Variants in PDZD2 observed in about 807,000 individuals in gnomAD.
PDZD2 encodes PDZ domain containing 2, also known as PDZ domain-containing protein 2.
PDZD2 carries 90 observed loss-of-function variants against 220.7 expected under a neutral mutation model. That is an observed-to-expected ratio of 0.41 (90% CI 0.34 to 0.49). The LOEUF is 0.49. Among genes scored for constraint, PDZD2 ranks in the 20% least tolerant of loss-of-function variants. The pLI, the probability that PDZD2 is intolerant of heterozygous loss-of-function variation, is 0.28. For missense variants in PDZD2, 3,174 were observed against 3,608.5 expected, an observed-to-expected ratio of 0.88 and a Z score of 3.08; for synonymous variants, 1,375 against 1,450.5, an observed-to-expected ratio of 0.95 and a Z score of 1.18.
At chr5:31,881,919 A>T (rs1253759922) in intron 2 of PDZD2, among the ~76,000 whole-genome samples, 1 of 151,914 alleles carries the variant, frequency 6.6e-6, no homozygotes, top group East Asian at 1.9e-4. Context: ...GGGTTTCTCC[A>T]CGTTGGCCAG....
At chr5:32,014,253 G>C (rs987286982) in intron 6 of PDZD2, among the ~76,000 whole-genome samples, 1 of 152,116 alleles carries the variant, frequency 6.6e-6, no homozygotes, top group East Asian at 1.9e-4. Flanking sequence ...GTATGTCGTC[G>C]TGTACTCCGA....
intron 1 of PDZD2, among the ~76,000 whole-genome samples, chr5:31,768,259 C>G (rs1391570421): frequency 6.6e-6 from 1 of 152,204 alleles, no homozygotes; most frequent in African/African-American, 2.4e-5. Flanking sequence ...AGGCAGCTTG[C>G]AACACACTCC....
rs11428109 is a variant in PDZD2 at position 32,013,322 on chromosome 5, CT to C, written c.1407+2856del. Among the ~76,000 whole-genome samples the C allele has an allele frequency of 4.2e-3, 565 of 135,766 alleles. 3 individuals are homozygous for C. The highest frequency in any genetic ancestry group is 0.026 in the East Asian group (123 of 4,648). The allele number at this position is 135,766 out of a possible 152,430, so 89.1% of individuals were successfully genotyped here. The stretch of plus-strand genomic sequence containing the variant: ...TTGCTCCTATATCTCTCTGTGTTAT[CT>C]TTTTTTTTTTTTTTTGACATTTCCT... On this transcript the variant is annotated intron_variant, in intron 6 of 24. Coordinates refer to ENST00000438447, the MANE Select transcript of PDZD2 (RefSeq NM_178140.4).
In PDZD2 at chr5:32,000,502, TTTTTGTTTTTGTTTTTG is replaced by T. The variant is rs1268075003; in HGVS notation, c.1254+236_1254+252del. On this transcript the variant is annotated intron_variant, in intron 5 of 24. Transcript: ENST00000438447. The surrounding 1 kb of genome is among the most constrained non-coding windows in gnomAD (Gnocchi z 4.5). ...AAGTTTGTTTTTGTTTTTGTTTTTG[TTTTTGTTTTTGTTTTTG>T]TTTTTTTTGAGACGGAGTTTCACTC... 4.6e-5 allele frequency among the ~76,000 whole-genome samples: 7 copies of T among 151,150 alleles called. No homozygotes were observed. The highest frequency in any genetic ancestry group is 2.1e-4 in the South Asian group (1 of 4,738).
chr5:31,783,729 C>A (rs375332100), intron 1 of PDZD2, among the ~76,000 whole-genome samples: 4 of 152,134 alleles, frequency 2.6e-5, no homozygotes, highest in South Asian at 4.1e-4. Context: ...GAGGCCTCAG[C>A]AATGGAAACA....
At chr5:32,007,826 C>CT (rs1752953925) in intron 5 of PDZD2, among the ~76,000 whole-genome samples, 1 of 152,240 alleles carries the variant, frequency 6.6e-6, no homozygotes, top group Non-Finnish European at 1.5e-5. Flanking sequence ...TCCCTGGCCC[C>CT]TGGCCCTCAT....
chr5:31,858,204 C>T (rs772697750), intron 2 of PDZD2, among the ~76,000 whole-genome samples: 1 of 152,026 alleles, frequency 6.6e-6, no homozygotes, highest in African/African-American at 2.4e-5. Flanking sequence ...TTCAGGTGAT[C>T]CGCCCATCTT....
intron 8 of PDZD2, among the ~76,000 whole-genome samples, chr5:32,050,561 C>T (rs188616937): frequency 2.0e-5 from 3 of 152,140 alleles, no homozygotes; most frequent in East Asian, 1.9e-4. Flanking sequence ...GGATCATGCC[C>T]GTAATCCCAG....
chr5:31,802,730 C>T (rs1754465545), intron 2 of PDZD2, among the ~76,000 whole-genome samples: 1 of 151,944 alleles, frequency 6.6e-6, no homozygotes. Flanking sequence ...ACCATCGTGG[C>T]TAACATGGTG....
chr5:31,949,668 C>CTTTT (rs5867121), intron 2 of PDZD2, among the ~76,000 whole-genome samples: 2 of 127,898 alleles, frequency 1.6e-5, no homozygotes, highest in South Asian at 2.6e-4. Context: ...CCATTTTTAG[C>CTTTT]TTTTTTTTTT....
At chr5:31,816,243 G>A (rs1056694719) in intron 2 of PDZD2, among the ~76,000 whole-genome samples, 10 of 147,924 alleles carry the variant, frequency 6.8e-5, no homozygotes, top group Non-Finnish European at 8.9e-5. Context: ...AGCCGAGATC[G>A]CGCCACTGCA....
intron 1 of PDZD2, among the ~76,000 whole-genome samples, chr5:31,710,968 GAAAAAAGACACACAC>G (rs1287039582): frequency 6.6e-6 from 1 of 152,116 alleles, no homozygotes; most frequent in Non-Finnish European, 1.5e-5. Flanking sequence ...GTTGTAAAAA[GAAAAAAGACACACAC>G]AAAAAAGTAT....
intron 2 of PDZD2, among the ~76,000 whole-genome samples, chr5:31,953,254 A>C (rs1484126289): frequency 1.3e-5 from 2 of 152,100 alleles, no homozygotes; most frequent in African/African-American, 2.4e-5. Context: ...GAAGTATTTC[A>C]AAAGCAGAAG....
At chr5:31,694,451 C>T (rs2150130131) in intron 1 of PDZD2, among the ~76,000 whole-genome samples, 1 of 152,264 alleles carries the variant, frequency 6.6e-6, no homozygotes, top group African/African-American at 2.4e-5. Flanking sequence ...TGGAAACAAC[C>T]ACAGGTTTGG....
intron 1 of PDZD2, among the ~76,000 whole-genome samples, chr5:31,777,222 G>A (rs532267388): frequency 9.9e-5 from 15 of 152,156 alleles, no homozygotes; most frequent in Non-Finnish European, 1.8e-4. Flanking sequence ...CACTGGCCCC[G>A]GGCAGTGAGG....
intron 2 of PDZD2, among the ~76,000 whole-genome samples, chr5:31,852,439 T>A (rs1181437336): frequency 6.6e-6 from 1 of 150,654 alleles, no homozygotes; most frequent in African/African-American, 2.4e-5. Context: ...GCGCGTGCCA[T>A]CACGCCTGGC....
At chr5:31,730,703 G>A (rs16901494) in intron 1 of PDZD2, among the ~76,000 whole-genome samples, 16,136 of 151,856 alleles carry the variant, frequency 0.11, 984 homozygotes, top group East Asian at 0.16. Flanking sequence ...TTTTCAGGAC[G>A]GTCTTGGAAT....
rs1306197418 is a variant in PDZD2 at position 31,862,111 on chromosome 5, T to TG, written c.476+62387_476+62388insG. Among the ~76,000 whole-genome samples, 8 of 139,798 alleles carry TG rather than the reference T, an allele frequency of 5.7e-5. 1 individual carries two copies. The highest frequency in any genetic ancestry group is 4.3e-4 in the Admixed American group (6 of 13,996). The allele number at this position is 139,798 out of a possible 152,430, so 91.7% of individuals were successfully genotyped here. ...ATGTTTTTTTTTTGGGTTTTTTTTTTTTTTTTTTTTTTGAGATGGAGTCTC... is the reference window on the plus strand; with the variant it reads ...ATGTTTTTTTTTTGGGTTTTTTTTTTGTTTTTTTTTTTTGAGATGGAGTCTC... On this transcript the variant is annotated intron_variant, in intron 2 of 24. Transcript: ENST00000438447.
chr5:31,971,510 A>G (rs1266542012), intron 2 of PDZD2, among the ~76,000 whole-genome samples: 1 of 152,242 alleles, frequency 6.6e-6, no homozygotes, highest in African/African-American at 2.4e-5. Flanking sequence ...CACTAAAACC[A>G]TAGTACCATC....
Sources: gnomAD v4.1 joint callset for allele counts (sites outside exome capture counted in the v4.1 genomes callset) on GRCh38, gnomAD v4.1.1 for gene constraint, Gnocchi (gnomAD v3.1) non-coding constraint, MANE v1.5 for transcripts, NCBI Gene and HGNC (gene_info 2026-07-23, HGNC 2026-07-21) for gene names.